PRKD1: variants seen among roughly 807,000 people sequenced by gnomAD.
PRKD1 encodes protein kinase D1, also known as serine/threonine-protein kinase D1.
PRKD1 carries 63 observed loss-of-function variants against 95.9 expected under a neutral mutation model. That is an observed-to-expected ratio of 0.66 (90% CI 0.54 to 0.81). The LOEUF is 0.81. Ranked by LOEUF, PRKD1 falls within the 30% of genes least tolerant of loss-of-function variation. The pLI is 0.00. For synonymous variants in PRKD1, 425 were observed against 423.1 expected (o/e 1.00, Z -0.05); for missense variants, 1,048 against 1,165.3 (o/e 0.90, Z 1.47).
chr14:29,819,859 A>G (rs965566769), intron 1 of PRKD1, among the ~76,000 whole-genome samples: 3 of 152,226 alleles, frequency 2.0e-5, no homozygotes, highest in African/African-American at 7.2e-5. Context: ...AAGTAAAAAC[A>G]ACAACAATGA....
chr14:29,850,285 T>C (rs1892256927), intron 1 of PRKD1, among the ~76,000 whole-genome samples: 1 of 152,190 alleles, frequency 6.6e-6, no homozygotes, highest in Middle Eastern at 3.2e-3. Flanking sequence ...GCTAATGATA[T>C]GATTCTATAC....
chr14:29,799,590 G>A (rs998940124), intron 1 of PRKD1, among the ~76,000 whole-genome samples: 2 of 152,124 alleles, frequency 1.3e-5, no homozygotes, highest in Non-Finnish European at 2.9e-5. Flanking sequence ...ACTGTCCTTC[G>A]GCAGCACTGC....
chr14:29,676,827 A>G (rs930940240), intron 2 of PRKD1, among the ~76,000 whole-genome samples: 2 of 152,232 alleles, frequency 1.3e-5, no homozygotes, highest in South Asian at 2.1e-4. Context: ...ACAATAGTAA[A>G]TAAAGCCATG....
chr14:29,615,491 G>A (rs1378611169), intron 13 of PRKD1, among the ~76,000 whole-genome samples: 4 of 152,168 alleles, frequency 2.6e-5, no homozygotes, highest in East Asian at 3.9e-4. Context: ...GTGGTTGCTC[G>A]GCCTAATGGC....
chr14:29,858,861 G>C (rs905625066), intron 1 of PRKD1, among the ~76,000 whole-genome samples: 6 of 152,006 alleles, frequency 3.9e-5, no homozygotes, highest in Non-Finnish European at 5.9e-5. Context: ...AAAAATGCTG[G>C]GAGGGGGCAC....
At chr14:29,908,011 C>T (rs528941463) in intron 1 of PRKD1, among the ~76,000 whole-genome samples, 3 of 151,928 alleles carry the variant, frequency 2.0e-5, no homozygotes, top group Admixed American at 6.5e-5. Context: ...ATTTGTTCAC[C>T]GTGAAACTGT....
intron 4 of PRKD1, among the ~76,000 whole-genome samples, chr14:29,648,337 C>A (rs1304583033): frequency 2.0e-5 from 3 of 148,810 alleles, no homozygotes; most frequent in Non-Finnish European, 4.4e-5. Context: ...TTTTTTGAGG[C>A]AAGGCCTGGT....
intron 2 of PRKD1, among the ~76,000 whole-genome samples, chr14:29,698,777 G>A (rs1254527530): frequency 1.3e-5 from 2 of 151,874 alleles, no homozygotes; most frequent in Non-Finnish European, 2.9e-5. Context: ...AAAATTAAGG[G>A]CAAAAATCAA....
At chr14:29,675,895 C>A (rs576195537) in intron 2 of PRKD1, among the ~76,000 whole-genome samples, 70 of 149,550 alleles carry the variant, frequency 4.7e-4, no homozygotes, top group African/African-American at 1.3e-3. Flanking sequence ...ACACAAACAC[C>A]GCATGTTCTC....
At chr14:29,676,469 C>T (rs1482345087) in intron 2 of PRKD1, among the ~76,000 whole-genome samples, 1 of 152,104 alleles carries the variant, frequency 6.6e-6, no homozygotes, top group East Asian at 1.9e-4. Flanking sequence ...ATTCTCCCGC[C>T]TCAGCGTCCC....
chr14:29,641,314 C>T lies in PRKD1; in HGVS notation c.697-2410G>A, dbSNP rs374562842. Among the ~76,000 whole-genome samples the T allele has an allele frequency of 6.6e-5, 10 of 152,272 alleles. No individual in the cohort carries two copies. In the East Asian group the frequency reaches 1.7e-3, roughly 26 times the overall value. On this transcript the variant is annotated intron_variant, in intron 4 of 17. Transcript: ENST00000331968. ...TTCATGCCATTTTAAATTTCAAAAT[C>T]AGATAGCAATCCAACCAGACTTATC... is the stretch of plus-strand genomic sequence containing the variant.
chr14:29,682,377 G>T (rs541442900), intron 2 of PRKD1, among the ~76,000 whole-genome samples: 1 of 152,222 alleles, frequency 6.6e-6, no homozygotes, highest in East Asian at 1.9e-4. Flanking sequence ...TTTATCTAAA[G>T]CCTCCCTACT....
chr14:29,844,399 T>C (rs1201582279), intron 1 of PRKD1, among the ~76,000 whole-genome samples: 1 of 152,174 alleles, frequency 6.6e-6, no homozygotes, highest in African/African-American at 2.4e-5. Context: ...GACTTCTATA[T>C]AGTAAGACAA....
chr14:29,693,937 T>A (rs1884379590), intron 2 of PRKD1, among the ~76,000 whole-genome samples: 1 of 152,200 alleles, frequency 6.6e-6, no homozygotes, highest in South Asian at 2.1e-4. Flanking sequence ...CTACTGGTCT[T>A]ACCTGTTCTT....
chr14:29,892,541 T>C (rs1168882204), intron 1 of PRKD1, among the ~76,000 whole-genome samples: 2 of 152,134 alleles, frequency 1.3e-5, no homozygotes, highest in East Asian at 3.9e-4. Flanking sequence ...ACAAATTACC[T>C]TCTTTTCAGT....
At chr14:29,681,272 CCTGGTGCA>C in intron 2 of PRKD1, among the ~76,000 whole-genome samples, 1 of 152,188 alleles carries the variant, frequency 6.6e-6, no homozygotes, top group Admixed American at 6.5e-5. Flanking sequence ...GGACAAATTT[CCTGGTGCA>C]AATAAAACAA....
intron 1 of PRKD1, among the ~76,000 whole-genome samples, chr14:29,891,564 G>T (rs1303338999): frequency 1.3e-5 from 2 of 151,852 alleles, no homozygotes. Flanking sequence ...GACTTTTCTG[G>T]TGGCTCTAAC....
intron 1 of PRKD1, among the ~76,000 whole-genome samples, chr14:29,860,659 T>C (rs188117446): frequency 4.6e-5 from 7 of 152,350 alleles, no homozygotes; most frequent in Non-Finnish European, 8.8e-5. Flanking sequence ...ATTCCATGTA[T>C]TGCAAATGCC....
At chr14:29,706,842 C>T (rs2139343531) in intron 2 of PRKD1, among the ~76,000 whole-genome samples, 1 of 152,134 alleles carries the variant, frequency 6.6e-6, no homozygotes, top group East Asian at 1.9e-4. Context: ...GAAAAAGTTG[C>T]CTCACCCAAA....
Sources: allele counts gnomAD v4.1 joint callset (sites outside exome capture counted in the v4.1 genomes callset), GRCh38; gene constraint gnomAD v4.1.1; transcripts MANE v1.5; gene names NCBI Gene and HGNC (gene_info 2026-07-23, HGNC 2026-07-21).